The following CWC25 variants were observed in gnomAD, a reference collection of about 807,000 sequenced individuals.
CWC25 encodes the protein pre-mRNA-splicing factor CWC25 homolog.
In CWC25, 31 loss-of-function variants were observed where a neutral mutation model predicts 54.6. That is an observed-to-expected ratio of 0.57 (90% CI 0.43 to 0.77). CWC25 has a LOEUF of 0.77. Among genes scored for constraint, CWC25 ranks in the 30% least tolerant of loss-of-function variants. The pLI is 0.00. For synonymous variants in CWC25, 151 were observed against 187.0 expected (o/e 0.81, Z 1.57); for missense variants, 453 against 529.3 (o/e 0.86, Z 1.41).
chr17:38,821,179 G>A, intron 1 of CWC25, 106 bp from the exon 2 acceptor site: 1 of 1,061,978 alleles, frequency 9.4e-7, no homozygotes, highest in Non-Finnish European at 1.4e-6. Flanking sequence ...AGGCGTGTGA[G>A]GGCAAGATGT....
chr17:38,806,530 G>T, intron 7 of CWC25, 135 bp from the exon 8 acceptor site: 2 of 849,304 alleles, frequency 2.4e-6, no homozygotes, highest in Non-Finnish European at 3.7e-6. Flanking sequence ...AAGGTATAGG[G>T]TTTGATGTTA....
intron 2 of CWC25, chr17:38,815,782 C>T (rs1359738350): frequency 1.2e-6 from 1 of 814,810 alleles, no homozygotes; most frequent in Admixed American, 3.3e-5. Context: ...ACCATCTTAC[C>T]ATCAAGAACA....
At chr17:38,806,219 T>C in intron 8 of CWC25, 78 bp downstream of exon 8, 1 of 1,235,118 alleles carries the variant, frequency 8.1e-7, no homozygotes, top group African/African-American at 1.5e-5. Context: ...AATGATGGAT[T>C]ATCCATTTGC....
rs1244694363 is a variant in CWC25 at position 38,823,011 on chromosome 17, T to C, written c.19-1938A>G. Among the ~76,000 whole-genome samples, 6 of 151,590 alleles carry C rather than the reference T, an allele frequency of 4.0e-5. No homozygotes were observed. In the Admixed American group the frequency reaches 4.0e-4, roughly 10 times the overall value. On this transcript the variant is annotated intron_variant, in intron 1 of 9. Transcript: ENST00000614790. ...CGCCACCATGCCCAGCTAATTTTTT[T>C]TGTATTTTTAGTAGAGACGGGTTTC...
Position 38,812,867 on chromosome 17 carries a change from A to T in CWC25, c.429-3T>A. The stretch of plus-strand genomic sequence containing the variant: ...GTTTTTTCTCCTCCTCCTTCTTCCT[A>T]AAGAGAGATAATTACAAAATTCATG... On this transcript the variant is annotated splice_region_variant and splice_polypyrimidine_tract_variant and intron_variant, in intron 3 of 9. Transcript: ENST00000614790. 2 of 1,464,278 alleles carry T rather than the reference A, an allele frequency of 1.4e-6. No individual in the cohort carries two copies. Among genetic ancestry groups the T allele is most frequent in the South Asian group, 2.4e-5 (2 of 82,234 alleles). 90.7% of individuals were successfully genotyped at this position (1,464,278 alleles called of 1,614,324 possible). A position where few individuals can be genotyped will look rare whatever the true frequency, so the allele number is the denominator to read the frequency against.
At chr17:38,814,140 C>T (rs544062549) in intron 3 of CWC25, among the ~76,000 whole-genome samples, 20 of 152,088 alleles carry the variant, frequency 1.3e-4, no homozygotes, top group African/African-American at 3.6e-4. Flanking sequence ...GGATTACAGG[C>T]GTGAGCCACT....
intron 1 of CWC25, among the ~76,000 whole-genome samples, chr17:38,821,958 T>C (rs999210626): frequency 4.6e-5 from 7 of 151,546 alleles, no homozygotes; most frequent in African/African-American, 1.2e-4. Context: ...TTAGTAGAGA[T>C]GGGGTTTCAC....
At chr17:38,814,601 C>A (rs1435648266) in intron 3 of CWC25, among the ~76,000 whole-genome samples, 4 of 151,342 alleles carry the variant, frequency 2.6e-5, no homozygotes, top group Non-Finnish European at 5.9e-5. Context: ...CAAAAATTAG[C>A]CAGGCGTGGT....
At chr17:38,815,835 G>C (rs945836327) in intron 2 of CWC25, 3 of 363,730 alleles carry the variant, frequency 8.2e-6, no homozygotes, top group South Asian at 5.2e-5. Flanking sequence ...TGTGCATCTT[G>C]GTGCTTGTGG....
At chr17:38,822,972 G>T (rs1037859266) in intron 1 of CWC25, among the ~76,000 whole-genome samples, 1 of 151,202 alleles carries the variant, frequency 6.6e-6, no homozygotes, top group Non-Finnish European at 1.5e-5. Context: ...TGAGTAGCTG[G>T]GACTACAGAC....
At position 38,824,920 on chromosome 17, in the gene CWC25, T is replaced by C. The variant is rs546135037; in HGVS notation, c.18+246A>G. ...CGGTCTTCCCAGAATTTACAGCCGGTAGAGCCGCAGTCAACAAACACGCAA... is the reference window on the plus strand; with the variant it reads ...CGGTCTTCCCAGAATTTACAGCCGGCAGAGCCGCAGTCAACAAACACGCAA... On this transcript the variant is annotated intron_variant, in intron 1 of 9. Transcript: ENST00000614790. Among the ~76,000 whole-genome samples, 48 of 152,104 alleles carry C rather than the reference T, an allele frequency of 3.2e-4. No individual in the cohort carries two copies. In the South Asian group the frequency reaches 4.6e-3, roughly 14 times the overall value.
rs923795017 is a variant in CWC25 at position 38,801,086 on chromosome 17, GTTTT to G, written c.*1002_*1005del. On this transcript the variant is annotated 3_prime_UTR_variant, in exon 10 of 10. Transcript: ENST00000614790. ...AGGTGTGAGCCACCGCGCCCAGCCT[GTTTT>G]TTGTTTTTTTTTTAGTACCTGACTG... The G allele has an allele frequency of 1.4e-5, 2 of 146,298 alleles. No homozygotes were observed. Among genetic ancestry groups the G allele is most frequent in the African/African-American group, 2.8e-5 (1 of 36,158 alleles). 9.1% of individuals were successfully genotyped at this position (146,298 alleles called of 1,614,324 possible).
chr17:38,808,076 A>C (rs1255905665), intron 6 of CWC25, among the ~76,000 whole-genome samples: 2 of 131,552 alleles, frequency 1.5e-5, no homozygotes, highest in African/African-American at 5.6e-5. Context: ...AAAAAAAGAA[A>C]AGAAAAGAAA....
intron 2 of CWC25, among the ~76,000 whole-genome samples, chr17:38,818,095 G>A (rs1911774747): frequency 6.7e-6 from 1 of 148,540 alleles, no homozygotes. Flanking sequence ...GACCAACATG[G>A]TGAAACCCCA....
rs917876372 is a variant in CWC25 at position 38,801,949 on chromosome 17, C to G, written c.*143G>C. 3.5e-6 allele frequency: 2 copies of G among 566,126 alleles called. No homozygotes were observed. The highest frequency in any genetic ancestry group is 6.3e-6 in the Non-Finnish European group (2 of 318,092). 35.1% of individuals were successfully genotyped at this position (566,126 alleles called of 1,614,324 possible). ...AGCTCTCAAAGGAAGTGAGCTGTTT[C>G]AGGACTCAATGAAGCAGGGTCACTT... On this transcript the variant is annotated 3_prime_UTR_variant, in exon 10 of 10. Transcript: ENST00000614790.
rs200910216 is a variant in CWC25 at position 38,806,307 on chromosome 17, C to T, written c.991G>A (p.Gly331Arg). ...KEVYQRRHAP[G>R]YTRKLSAEEL... ...GGGCTCCTGACTCACCTGGTGTATC[C>T]GGGAGCATGTCGCCTTTGGTAGACC... The change falls in exon 8 of 10, where the codon GGA becomes AGA. Residue 331 changes from glycine to arginine, a missense_variant. Gly to Arg is a moderately radical substitution (Grantham distance 125, BLOSUM62 -2). Coordinates refer to ENST00000614790, the MANE Select transcript of CWC25 (RefSeq NM_017748.5). 201 of 1,611,186 alleles carry T rather than the reference C, an allele frequency of 1.2e-4. No homozygotes were observed. Among genetic ancestry groups the T allele is most frequent in the South Asian group, 7.3e-4 (66 of 90,356 alleles).
At chr17:38,812,892 G>A in intron 3 of CWC25, 28 bp from the exon 4 acceptor site, 1 of 1,276,638 alleles carries the variant, frequency 7.8e-7, no homozygotes, top group South Asian at 1.3e-5. Flanking sequence ...CAAAATTCAT[G>A]ACTATTTCTT....
At position 38,801,880 on chromosome 17, in the gene CWC25, T is replaced by A; in HGVS notation, c.*212A>T. 2 of 422,028 alleles carry A rather than the reference T, an allele frequency of 4.7e-6. No individual in the cohort carries two copies. Among genetic ancestry groups the A allele is most frequent in the South Asian group, 5.8e-5 (1 of 17,240 alleles). The allele number at this position is 422,028 out of a possible 1,614,324, so 26.1% of individuals were successfully genotyped here. A position where few individuals can be genotyped will look rare whatever the true frequency, so the allele number is the denominator to read the frequency against. On this transcript the variant is annotated 3_prime_UTR_variant, in exon 10 of 10. Coordinates refer to ENST00000614790, the MANE Select transcript of CWC25 (RefSeq NM_017748.5). The stretch of plus-strand genomic sequence containing the variant: ...GGTCCAGTGCCCACCCGTTAAAGAG[T>A]CAAAACCCAAAGTTACTGAGTGTCC...
intron 4 of CWC25, among the ~76,000 whole-genome samples, chr17:38,811,327 A>G (rs1911478402): frequency 6.6e-6 from 1 of 151,812 alleles, no homozygotes; most frequent in Admixed American, 6.6e-5. Flanking sequence ...AGGTCAGGAG[A>G]AGGAGACCAT....
Sources: allele counts gnomAD v4.1 joint callset (sites outside exome capture counted in the v4.1 genomes callset), GRCh38; gene constraint gnomAD v4.1.1; transcripts MANE v1.5; gene names NCBI Gene and HGNC (gene_info 2026-07-23, HGNC 2026-07-21).